The following DAB1 variants were observed in gnomAD, a reference collection of about 807,000 sequenced individuals.
The protein encoded by DAB1 is disabled homolog 1.
Under a neutral mutation model 64.6 loss-of-function variants are expected in DAB1, and 15 were observed. The observed-to-expected ratio is 0.23, with a 90% CI of 0.16 to 0.36. The LOEUF (loss-of-function observed/expected upper bound fraction) is 0.36. DAB1 is among the 10% of genes least tolerant of loss of function. DAB1 has a pLI of 1.00. For missense variants in DAB1, 596 were observed against 706.7 expected, an observed-to-expected ratio of 0.84 and a Z score of 1.78; for synonymous variants, 235 against 251.9, an observed-to-expected ratio of 0.93 and a Z score of 0.64.
intron 5 of DAB1, among the ~76,000 whole-genome samples, chr1:58,091,607 T>C (rs952571799): frequency 6.6e-6 from 1 of 152,166 alleles, no homozygotes; most frequent in African/African-American, 2.4e-5. Flanking sequence ...TCCATCAATG[T>C]GATATCATTA....
At chr1:58,164,105 T>C (rs1446568120) in intron 4 of DAB1, among the ~76,000 whole-genome samples, 1 of 148,760 alleles carries the variant, frequency 6.7e-6, no homozygotes, top group Non-Finnish European at 1.5e-5. Context: ...GGAGACATCA[T>C]CAGCCATGCA....
chr1:57,718,391 G>A (rs972493820), intron 6 of DAB1, among the ~76,000 whole-genome samples: 3 of 152,118 alleles, frequency 2.0e-5, no homozygotes, highest in Admixed American at 6.6e-5. Context: ...GATGCTGAAC[G>A]GGGAGGAATA....
chr1:57,519,927 C>G (rs1220709043), intron 7 of DAB1, among the ~76,000 whole-genome samples: 1 of 152,160 alleles, frequency 6.6e-6, no homozygotes, highest in African/African-American at 2.4e-5. Context: ...CTATGAATAA[C>G]TCATATACCT....
intron 4 of DAB1, among the ~76,000 whole-genome samples, chr1:58,267,070 A>G (rs1411881538): frequency 6.6e-6 from 1 of 152,112 alleles, no homozygotes; most frequent in Non-Finnish European, 1.5e-5. Flanking sequence ...AAATACAAAA[A>G]TTGGCCGGGC....
In DAB1 at chr1:56,995,409, A is replaced by T. The variant is rs1645580357; in HGVS notation, c.*2735T>A. On this transcript the variant is annotated 3_prime_UTR_variant, in exon 15 of 15. Transcript: ENST00000371236. Reference sequence around the variant, plus strand: ...ACCAAACAGTGCTTGGAAAAAAATCAGAATTCTGCCAATGAGAATATGGAT... The same window carrying T: ...ACCAAACAGTGCTTGGAAAAAAATCTGAATTCTGCCAATGAGAATATGGAT... 1 of 152,238 alleles carries T rather than the reference A, an allele frequency of 6.6e-6. No homozygotes were observed. Among genetic ancestry groups the T allele is most frequent in the Non-Finnish European group, 1.5e-5 (1 of 68,040 alleles). 9.4% of individuals were successfully genotyped at this position (152,238 alleles called of 1,614,324 possible). A position where few individuals can be genotyped will look rare whatever the true frequency, so the allele number is the denominator to read the frequency against.
chr1:58,496,981 C>A (rs1204086477), intron 3 of DAB1, among the ~76,000 whole-genome samples: 1 of 152,186 alleles, frequency 6.6e-6, no homozygotes, highest in East Asian at 1.9e-4. Context: ...CCATCACCAT[C>A]CAACCCACTG....
chr1:58,479,595 C>G (rs537573750), intron 3 of DAB1, among the ~76,000 whole-genome samples: 1 of 152,268 alleles, frequency 6.6e-6, no homozygotes, highest in African/African-American at 2.4e-5. Context: ...AGAGAAGAAC[C>G]TATAAAATCA....
intron 5 of DAB1, among the ~76,000 whole-genome samples, chr1:58,138,680 G>A (rs1253524943): frequency 6.6e-6 from 1 of 152,140 alleles, no homozygotes; most frequent in Non-Finnish European, 1.5e-5. Flanking sequence ...ATGCAATAAA[G>A]TCTGTACTTT....
chr1:57,606,263 G>C (rs930821848), intron 7 of DAB1: 10 of 164,622 alleles, frequency 6.1e-5, no homozygotes, highest in African/African-American at 2.4e-4. Flanking sequence ...ACAGTGGTGA[G>C]CCAGGAGCAG....
intron 4 of DAB1, among the ~76,000 whole-genome samples, chr1:58,160,191 G>A (rs11801370): frequency 6.6e-6 from 1 of 152,142 alleles, no homozygotes; most frequent in African/African-American, 2.4e-5. Context: ...GGTAGGCCAG[G>A]GGGTAAGGAG....
intron 7 of DAB1, chr1:57,606,045 A>G (rs1645632257): frequency 1.6e-6 from 1 of 610,188 alleles, no homozygotes; most frequent in Non-Finnish European, 3.0e-6. Flanking sequence ...TAGGTATTCA[A>G]ACTGGTCCTT....
chr1:57,593,861 G>A (rs925285180), intron 7 of DAB1, among the ~76,000 whole-genome samples: 5 of 152,220 alleles, frequency 3.3e-5, no homozygotes, highest in Non-Finnish European at 7.3e-5. Context: ...TTAGAGGGGA[G>A]AGAATGCCAT....
intron 4 of DAB1, among the ~76,000 whole-genome samples, chr1:58,188,501 C>A (rs1557687821): frequency 6.6e-6 from 1 of 152,150 alleles, no homozygotes; most frequent in East Asian, 1.9e-4. Flanking sequence ...TAGCATGTTC[C>A]TACTCTGAGT....
chr1:57,182,316 A>T lies in DAB1; in HGVS notation c.68-36887T>A, dbSNP rs180733641. ...CTAGTGTCCCAGGTACTTGTATGTT[A>T]TCAGTAATGCTCATAATAAATCTCT... On this transcript the variant is annotated intron_variant, in intron 2 of 14. Coordinates refer to ENST00000371236, the MANE Select transcript of DAB1 (RefSeq NM_001365792.1). 6.2e-4 allele frequency among the ~76,000 whole-genome samples: 94 copies of T among 152,320 alleles called. 2 individuals are homozygous for T. The highest frequency in any genetic ancestry group is 1.0e-4 in the Non-Finnish European group (7 of 68,030).
intron 5 of DAB1, among the ~76,000 whole-genome samples, chr1:58,145,114 G>C (rs1028065279): frequency 6.6e-6 from 1 of 152,230 alleles, no homozygotes; most frequent in Non-Finnish European, 1.5e-5. Flanking sequence ...AGGCTACATT[G>C]TACTGCATGA....
At chr1:57,095,051 T>C (rs1284258014) in intron 4 of DAB1, among the ~76,000 whole-genome samples, 1 of 152,328 alleles carries the variant, frequency 6.6e-6, no homozygotes, top group East Asian at 1.9e-4. Flanking sequence ...TTCTCAAGAC[T>C]GACCTACAAC....
rs570170859 is a variant in DAB1 at position 57,072,362 on chromosome 1, A to G, written c.359T>C (p.Ile120Thr). The change falls in exon 5 of 15, where the codon ATT (isoleucine) becomes ACT (threonine). Residue 120 changes from isoleucine (I) to threonine (T), a missense_variant. Ile to Thr is a moderately conservative substitution (Grantham distance 89, BLOSUM62 -1). This residue lies in a region of DAB1 where 176 missense variants were observed against 266.7 expected (regional missense o/e 0.66). Transcript: ENST00000371236. ...ATATCCAAAGGCCCGGTGATCTGTA[A>G]TGTCCTTTGCAATGTAGGATATTTC... Reference protein sequence around the residue: ...VHEISYIAKDITDHRAFGYVC... With the variant: ...VHEISYIAKDTTDHRAFGYVC... 2.2e-4 allele frequency: 363 copies of G among 1,613,756 alleles called. No individual in the cohort carries two copies. Among genetic ancestry groups the G allele is most frequent in the Non-Finnish European group, 2.9e-4 (343 of 1,179,806 alleles).
intron 5 of DAB1, among the ~76,000 whole-genome samples, chr1:57,995,230 C>G (rs1480713726): frequency 6.6e-6 from 1 of 152,154 alleles, no homozygotes; most frequent in Non-Finnish European, 1.5e-5. Context: ...GAGGGTTACA[C>G]ATGAAAATAT....
intron 5 of DAB1, among the ~76,000 whole-genome samples, chr1:58,054,486 G>GT (rs1647921773): frequency 6.6e-6 from 1 of 152,184 alleles, no homozygotes; most frequent in Non-Finnish European, 1.5e-5. Flanking sequence ...TTAACAAGAA[G>GT]TATTTACATG....
Sources: gnomAD v4.1 joint callset for allele counts (sites outside exome capture counted in the v4.1 genomes callset) on GRCh38, gnomAD v4.1.1 for gene constraint, gnomAD v4.1.1 regional missense constraint, MANE v1.5 for transcripts, NCBI Gene and HGNC (gene_info 2026-07-23, HGNC 2026-07-21) for gene names.